The following MYO19 variants were observed in gnomAD, a reference collection of about 807,000 sequenced individuals.
The protein encoded by MYO19 is myosin XIX.
MYO19 carries 132 observed loss-of-function variants against 129.2 expected under a neutral mutation model. That is an observed-to-expected ratio of 1.02 (90% confidence interval 0.89 to 1.18). MYO19 has a LOEUF of 1.18. Among genes scored for constraint, MYO19 ranks in the 50% most tolerant of loss-of-function variants. MYO19 has a pLI of 0.00. For missense variants in MYO19, 1,210 were observed against 1,216.7 expected, an observed-to-expected ratio of 0.99 and a Z score of 0.08; for synonymous variants, 531 against 477.2, an observed-to-expected ratio of 1.11 and a Z score of -1.47.
chr17:36,513,412 G>A lies in MYO19; in HGVS notation c.894+17C>T, dbSNP rs1323826013. On this transcript the variant is annotated intron_variant, in intron 11 of 25. Transcript: ENST00000614623. ...GTCATCTCTGCCAAACTTAAGTGGC[G>A]TGGCTTTTCTTCTGACCTTAAAGAT... The A allele has an allele frequency of 1.2e-5, 20 of 1,613,922 alleles. No individual in the cohort carries two copies. Among genetic ancestry groups the A allele is most frequent in the Middle Eastern group, 1.6e-4 (1 of 6,084 alleles).
At chr17:36,522,899 G>A (rs1418580289) in intron 6 of MYO19, among the ~76,000 whole-genome samples, 1 of 151,770 alleles carries the variant, frequency 6.6e-6, no homozygotes, top group African/African-American at 2.4e-5. Flanking sequence ...CCAGCTACTC[G>A]GGAGGCTGAG....
intron 6 of MYO19, among the ~76,000 whole-genome samples, chr17:36,524,372 C>T (rs2073333009): frequency 6.6e-6 from 1 of 152,206 alleles, no homozygotes; most frequent in Non-Finnish European, 1.5e-5. Context: ...TTCAGCAATT[C>T]TCATATGTGA....
chr17:36,516,052 TGA>T, intron 6 of MYO19, 62 bp from the exon 7 acceptor site: 5 of 1,525,200 alleles, frequency 3.3e-6, no homozygotes, highest in Non-Finnish European at 2.6e-6. Flanking sequence ...TGAGCCTGCC[TGA>T]GAGAACAGTG....
chr17:36,505,416 A>C lies in MYO19; in HGVS notation c.1798-12T>G. 3 of 1,611,168 alleles carry C rather than the reference A, an allele frequency of 1.9e-6. No homozygotes were observed. Among genetic ancestry groups the C allele is most frequent in the Non-Finnish European group, 2.5e-6 (3 of 1,177,642 alleles). On this transcript the variant is annotated splice_polypyrimidine_tract_variant and intron_variant, in intron 18 of 25. Coordinates refer to ENST00000614623, the MANE Select transcript of MYO19 (RefSeq NM_001163735.2). ...TGCTCCAGTGAGGCCTGCAGATGAG[A>C]GACCATGGGGTTAGGCAGGGAGAGG...
chr17:36,538,675 A>G, upstream of MYO19: 3 of 1,373,286 alleles, frequency 2.2e-6, no homozygotes, highest in East Asian at 6.9e-5. Flanking sequence ...TATTAATTGT[A>G]AAGAAATTGT....
chr17:36,518,489 GAAAAAAAAAAAAAAAAAAA>G (rs1165317347), intron 6 of MYO19, among the ~76,000 whole-genome samples: 11 of 24,066 alleles, frequency 4.6e-4, no homozygotes, highest in African/African-American at 1.3e-3. Context: ...GATCTCAGAG[GAAAAAAAAAAAAAAAAAAA>G]AAAAAAAAAA....
chr17:36,506,570 T>G lies in MYO19; in HGVS notation c.1683A>C (p.Gln561His). Reference protein sequence around the residue: ...IPPELTRLLQQSQDPLLMGLF... With the variant: ...IPPELTRLLQHSQDPLLMGLF... ...GCCCCATGAGCAGGGGGTCCTGGGA[T>G]TGCTGCAGGAGCCTGGTCAGCTCAG... Residue 561 changes from glutamine (Q) to histidine (H), a missense_variant, in exon 18 of 26, where the codon CAA becomes CAC. Gln to His is a conservative substitution (Grantham distance 24, BLOSUM62 0). Transcript: ENST00000614623. The G allele has an allele frequency of 6.4e-7, 1 of 1,568,338 alleles. No individual in the cohort carries two copies. The highest frequency in any genetic ancestry group is 2.3e-5 in the East Asian group (1 of 44,288).
upstream of MYO19, chr17:36,537,133 T>A: frequency 6.2e-7 from 1 of 1,602,036 alleles, no homozygotes. Context: ...GAAGCTTTTG[T>A]CAGTAACCTC....
chr17:36,521,422 A>G (rs993919081), intron 6 of MYO19, among the ~76,000 whole-genome samples: 2 of 152,236 alleles, frequency 1.3e-5, no homozygotes, highest in African/African-American at 2.4e-5. Context: ...AAAGAAAAGA[A>G]TATCTCTCAG....
At chr17:36,520,764 A>G (rs901929766) in intron 6 of MYO19, among the ~76,000 whole-genome samples, 11 of 152,230 alleles carry the variant, frequency 7.2e-5, no homozygotes, top group African/African-American at 1.7e-4. Flanking sequence ...TACAGTATAT[A>G]AGACATATAA....
intron 15 of MYO19, 106 bp downstream of exon 15, chr17:36,507,697 G>T: frequency 7.3e-7 from 1 of 1,362,480 alleles, no homozygotes; most frequent in Admixed American, 2.7e-5. Flanking sequence ...AATAAAATAA[G>T]AAGGAACAAA....
chr17:36,534,972 AG>A (rs1317907519), upstream of MYO19: 1 of 152,232 alleles, frequency 6.6e-6, no homozygotes, highest in Non-Finnish European at 1.5e-5. Flanking sequence ...GCTCCTCCCT[AG>A]GGGCGGGGCG....
At chr17:36,532,903 G>C (rs1351741) in intron 2 of MYO19, among the ~76,000 whole-genome samples, 3,943 of 152,254 alleles carry the variant, frequency 0.026, 148 homozygotes, top group African/African-American at 0.089. Flanking sequence ...TTAGGGTTTG[G>C]GTTGGGGTGG....
At chr17:36,513,783 C>CT in intron 9 of MYO19, 58 bp from the exon 10 acceptor site, 3 of 1,455,114 alleles carry the variant, frequency 2.1e-6, no homozygotes, top group Non-Finnish European at 2.8e-6. Context: ...CCCAGGCCTG[C>CT]ATAGGCAGGC....
At chr17:36,498,186 T>A in intron 25 of MYO19, 80 bp downstream of exon 25, 1 of 1,492,516 alleles carries the variant, frequency 6.7e-7, no homozygotes, top group Non-Finnish European at 9.1e-7. Context: ...AGCCTCAGTC[T>A]CATTCCCGCT....
rs369768498 is a variant in MYO19 at position 36,507,133 on chromosome 17, G to A, written c.1474C>T (p.Arg492Cys). The A allele has an allele frequency of 6.2e-5, 100 of 1,600,598 alleles. No homozygotes were observed. The highest frequency in any genetic ancestry group is 7.5e-5 in the Non-Finnish European group (88 of 1,169,788). Residue 492 changes from arginine (R) to cysteine (C), a missense_variant, in exon 17 of 26, where the codon CGC becomes TGC. Transcript: ENST00000614623. Reference sequence around the variant, plus strand: ...GCTGCGCTGCTGGGTCGATTGAGGCGGCATTCCTGTGGGATGGGAACAGGG... The same window carrying A: ...GCTGCGCTGCTGGGTCGATTGAGGCAGCATTCCTGTGGGATGGGAACAGGG... ...SICSLINEEC[R>C]LNRPSSAAQL...
At position 36,527,594 on chromosome 17, in the gene MYO19, G is replaced by A. The variant is rs761442578; in HGVS notation, c.257C>T (p.Ser86Leu). 21 of 1,613,876 alleles carry A rather than the reference G, an allele frequency of 1.3e-5. No homozygotes were observed. The highest frequency in any genetic ancestry group is 4.0e-5 in the African/African-American group (3 of 74,928). Residue 86 changes from serine (S) to leucine (L), a missense_variant, in exon 5 of 26, where the codon TCG (serine) becomes TTG (leucine). Coordinates refer to ENST00000614623, the MANE Select transcript of MYO19 (RefSeq NM_001163735.2). Reference sequence around the variant, plus strand: ...ATGGTACTCTCTCATTAGCTCGGGCGAGTAGAGCTGAGGAACAGGCTTGAA... The same window carrying A: ...ATGGTACTCTCTCATTAGCTCGGGCAAGTAGAGCTGAGGAACAGGCTTGAA... ...NPFKPVPQLYSPELMREYHAA... is the reference protein window; with the variant it reads ...NPFKPVPQLYLPELMREYHAA...
upstream of MYO19, chr17:36,537,612 G>A (rs780063922): frequency 1.9e-6 from 3 of 1,614,172 alleles, no homozygotes; most frequent in South Asian, 2.2e-5. Flanking sequence ...GGATTTTGGA[G>A]TAGGTGGCTT....
At chr17:36,518,044 C>T (rs987711317) in intron 6 of MYO19, among the ~76,000 whole-genome samples, 1 of 150,314 alleles carries the variant, frequency 6.7e-6, no homozygotes, top group Non-Finnish European at 1.5e-5. Flanking sequence ...GAGCTGAGCT[C>T]GCACCGTTGC....
Sources: allele counts gnomAD v4.1 joint callset (sites outside exome capture counted in the v4.1 genomes callset), GRCh38; gene constraint gnomAD v4.1.1; transcripts MANE v1.5; gene names NCBI Gene and HGNC (gene_info 2026-07-23, HGNC 2026-07-21).